Variants in IRF2 observed in about 807,000 individuals in gnomAD.
IRF2 encodes the protein interferon regulatory factor 2.
In IRF2, 15 loss-of-function variants were observed where a neutral mutation model predicts 40.6. The observed-to-expected ratio is 0.37, with a 90% CI of 0.25 to 0.57. The LOEUF (loss-of-function observed/expected upper bound fraction) is 0.57, where lower values mean the gene tolerates loss of function less well. Ranked by LOEUF, IRF2 falls within the 20% of genes least tolerant of loss-of-function variation. The pLI is 0.77. For missense variants in IRF2, 317 were observed against 455.7 expected (o/e 0.70, Z 2.77); for synonymous variants, 151 against 165.5 (o/e 0.91, Z 0.67).
intron 7 of IRF2, among the ~76,000 whole-genome samples, chr4:184,391,220 T>C (rs1736250579): frequency 6.6e-6 from 1 of 152,250 alleles, no homozygotes; most frequent in Non-Finnish European, 1.5e-5. Context: ...TAGAGTTGCA[T>C]CTGCCATGTG....
At chr4:184,458,296 T>G in intron 1 of IRF2, among the ~76,000 whole-genome samples, 1 of 152,366 alleles carries the variant, frequency 6.6e-6, no homozygotes, top group South Asian at 2.1e-4. Flanking sequence ...AGCCCATCTT[T>G]CGTTCTTTTC....
intron 5 of IRF2, 150 bp downstream of exon 5, chr4:184,418,017 T>G (rs1579831290): frequency 5.7e-6 from 4 of 699,528 alleles, no homozygotes; most frequent in Non-Finnish European, 1.0e-5. Context: ...AGTGGATACA[T>G]GCTGAAGAGC....
intron 6 of IRF2, among the ~76,000 whole-genome samples, chr4:184,407,889 G>A (rs1354853318): frequency 6.6e-6 from 1 of 152,138 alleles, no homozygotes; most frequent in African/African-American, 2.4e-5. Context: ...GACTGGGATC[G>A]CTAGCCACGA....
At chr4:184,403,607 A>C (rs1736746586) in intron 6 of IRF2, among the ~76,000 whole-genome samples, 1 of 152,232 alleles carries the variant, frequency 6.6e-6, no homozygotes, top group East Asian at 1.9e-4. Flanking sequence ...ACAGACAATC[A>C]GCAGCAGAAC....
chr4:184,423,150 T>C (rs1737541795), intron 2 of IRF2, among the ~76,000 whole-genome samples: 2 of 152,212 alleles, frequency 1.3e-5, no homozygotes, highest in Non-Finnish European at 2.9e-5. Flanking sequence ...CCATGGGACA[T>C]GACGGTGTTG....
chr4:184,398,907 A>T lies in IRF2; in HGVS notation c.694+8T>A, dbSNP rs1381373578. On this transcript the variant is annotated splice_region_variant and intron_variant, in intron 7 of 8. Transcript: ENST00000393593. Reference sequence around the variant, plus strand: ...CCACGCCTCCCGGAGCCTCCCGCTGACGCTTACCTGCATAGGAAGACACGG... The same window carrying T: ...CCACGCCTCCCGGAGCCTCCCGCTGTCGCTTACCTGCATAGGAAGACACGG... The T allele has an allele frequency of 7.6e-6, 12 of 1,586,782 alleles. No homozygotes were observed. The highest frequency in any genetic ancestry group is 1.0e-5 in the Non-Finnish European group (12 of 1,168,638).
chr4:184,446,336 G>C (rs1738508441), intron 1 of IRF2, among the ~76,000 whole-genome samples: 2 of 152,196 alleles, frequency 1.3e-5, no homozygotes, highest in African/African-American at 2.4e-5. Context: ...CACCTGTTAG[G>C]GTGGCTGGGG....
At chr4:184,398,816 G>C (rs904534820) in intron 7 of IRF2, 99 bp downstream of exon 7, 1 of 1,077,634 alleles carries the variant, frequency 9.3e-7, no homozygotes, top group African/African-American at 1.6e-5. Flanking sequence ...TCCTAGGACA[G>C]AGGAGGGATG....
intron 1 of IRF2, chr4:184,472,200 C>G (rs948674666): frequency 6.6e-6 from 1 of 152,142 alleles, no homozygotes; most frequent in Non-Finnish European, 1.5e-5. Flanking sequence ...TTTTAGGTTT[C>G]TACTTTTGCC....
Position 184,418,781 on chromosome 4 carries a change from A to T in IRF2, c.188-73T>A, listed in dbSNP as rs550044761. On this transcript the variant is annotated intron_variant, in intron 3 of 8. Coordinates refer to ENST00000393593, the MANE Select transcript of IRF2 (RefSeq NM_002199.4). ...CAGAGGAAGGAATTTCTGGAAACAC[A>T]GTATTGCTGGTCAGGCAGTATAAGG... 5.4e-5 allele frequency: 70 copies of T among 1,304,478 alleles called. No individual in the cohort carries two copies. In the African/African-American group the frequency reaches 1.0e-3, roughly 19 times the overall value. The allele number at this position is 1,304,478 out of a possible 1,614,324, so 80.8% of individuals were successfully genotyped here. A position where few individuals can be genotyped will look rare whatever the true frequency, so the allele number is the denominator to read the frequency against.
intron 1 of IRF2, among the ~76,000 whole-genome samples, chr4:184,433,448 G>C (rs1412363236): frequency 6.6e-6 from 1 of 152,178 alleles, no homozygotes. Flanking sequence ...CACCGGCTGG[G>C]TGCATTCCTC....
chr4:184,410,060 G>A (rs777119588), intron 5 of IRF2, among the ~76,000 whole-genome samples: 15 of 151,984 alleles, frequency 9.9e-5, no homozygotes, highest in Non-Finnish European at 1.6e-4. Flanking sequence ...TCTCCACCTG[G>A]GCCCCCATTA....
At position 184,419,460 on chromosome 4, in the gene IRF2, T is replaced by A; in HGVS notation, c.187+9A>T. 6.4e-7 allele frequency: 1 copy of A among 1,570,636 alleles called. No homozygotes were observed. The highest frequency in any genetic ancestry group is 8.7e-7 in the Non-Finnish European group (1 of 1,145,908). On this transcript the variant is annotated intron_variant, in intron 3 of 8. Coordinates refer to ENST00000393593, the MANE Select transcript of IRF2 (RefSeq NM_002199.4). ...CTTCCTCTATAAACGCCGCAGGGAG[T>A]TTTAGTACCTGTATGGATTGCCCAG...
At chr4:184,391,610 T>C (rs1221115507) in intron 7 of IRF2, among the ~76,000 whole-genome samples, 2 of 152,208 alleles carry the variant, frequency 1.3e-5, no homozygotes, top group South Asian at 2.1e-4. Flanking sequence ...CCTTCCCCAG[T>C]TGAGCCTCAG....
chr4:184,439,792 G>A (rs1050318731), intron 1 of IRF2, among the ~76,000 whole-genome samples: 1 of 152,134 alleles, frequency 6.6e-6, no homozygotes, highest in Non-Finnish European at 1.5e-5. Context: ...TACCTGAAAT[G>A]TGTGCTGCAT....
intron 7 of IRF2, among the ~76,000 whole-genome samples, chr4:184,391,425 AG>A (rs1441581473): frequency 1.3e-5 from 2 of 152,214 alleles, no homozygotes; most frequent in African/African-American, 4.8e-5. Flanking sequence ...CTGCTGGGAG[AG>A]GAAACACTCT....
chr4:184,394,757 C>T lies in IRF2; in HGVS notation c.695-4008G>A, dbSNP rs549286198. Among the ~76,000 whole-genome samples the T allele has an allele frequency of 5.9e-5, 9 of 152,238 alleles. No homozygotes were observed. The East Asian group carries it at 7.7e-4, about 13-fold the overall frequency. ...CTACTGTGGTTTTCTTCTACTAAAC[C>T]ATCAACCACCTAATAAAATTCTGAT... On this transcript the variant is annotated intron_variant, in intron 7 of 8. Transcript: ENST00000393593.
chr4:184,433,823 C>T (rs1435309705), intron 1 of IRF2, among the ~76,000 whole-genome samples: 2 of 152,178 alleles, frequency 1.3e-5, no homozygotes, highest in Non-Finnish European at 2.9e-5. Flanking sequence ...GCTTGCCTCG[C>T]GACACGGTAC....
At chr4:184,466,493 G>A (rs1485367463) in intron 1 of IRF2, among the ~76,000 whole-genome samples, 1 of 152,094 alleles carries the variant, frequency 6.6e-6, no homozygotes, top group Non-Finnish European at 1.5e-5. Context: ...ATTATTACAT[G>A]TGCCCTGAAA....
Sources: allele counts gnomAD v4.1 joint callset (sites outside exome capture counted in the v4.1 genomes callset), GRCh38; gene constraint gnomAD v4.1.1; transcripts MANE v1.5; gene names NCBI Gene and HGNC (gene_info 2026-07-23, HGNC 2026-07-21).